Variants in OSBPL5 observed in about 807,000 individuals in gnomAD.
OSBPL5 encodes the protein oxysterol binding protein like 5.
In OSBPL5, 71 loss-of-function variants were observed where a neutral mutation model predicts 111.2. That is an observed-to-expected ratio of 0.64 (90% CI 0.53 to 0.78). OSBPL5 has a LOEUF of 0.78. OSBPL5 is among the 30% of genes least tolerant of loss of function. The pLI is 0.00. For synonymous variants in OSBPL5, 549 were observed against 513.9 expected, an observed-to-expected ratio of 1.07 and a Z score of -0.93; for missense variants, 1,210 against 1,189.3, an observed-to-expected ratio of 1.02 and a Z score of -0.26.
rs141588475 is a variant in OSBPL5 at position 3,150,621 on chromosome 11, C to T, written c.-22+14595G>A. Among the ~76,000 whole-genome samples, 135 of 152,324 alleles carry T rather than the reference C, an allele frequency of 8.9e-4. No individual in the cohort carries two copies. In the East Asian group the frequency reaches 0.022, roughly 24 times the overall value. Reference sequence around the variant, plus strand: ...GTGTCGTGAGAGCTCACTGGAGAAACATGCCTCTGGGGGGAGCAGAACTCT... The same window carrying T: ...GTGTCGTGAGAGCTCACTGGAGAAATATGCCTCTGGGGGGAGCAGAACTCT... On this transcript the variant is annotated intron_variant, in intron 1 of 21. Coordinates refer to ENST00000263650, the MANE Select transcript of OSBPL5 (RefSeq NM_020896.4).
chr11:3,150,447 C>T (rs572051392), intron 1 of OSBPL5, among the ~76,000 whole-genome samples: 6 of 152,176 alleles, frequency 3.9e-5, no homozygotes, highest in African/African-American at 1.4e-4. Context: ...GGGAGGAGCC[C>T]AGCAGCCCCT....
chr11:3,094,388 G>A lies in OSBPL5; in HGVS notation c.1622-54C>T. 2.0e-6 allele frequency: 3 copies of A among 1,473,550 alleles called. No individual in the cohort carries two copies. The Admixed American group carries it at 5.2e-5, about 25-fold the overall frequency. The allele number at this position is 1,473,550 out of a possible 1,614,324, so 91.3% of individuals were successfully genotyped here. A position where few individuals can be genotyped will look rare whatever the true frequency, so the allele number is the denominator to read the frequency against. ...GCGGCCCCAGCCCTGCTGAGCCCCAGGCCCTGCTGAGTACCGACCCAGCAG... is the reference window on the plus strand; with the variant it reads ...GCGGCCCCAGCCCTGCTGAGCCCCAAGCCCTGCTGAGTACCGACCCAGCAG... On this transcript the variant is annotated intron_variant, in intron 14 of 21. Coordinates refer to ENST00000263650, the MANE Select transcript of OSBPL5 (RefSeq NM_020896.4).
At chr11:3,153,562 C>T (rs1056270927) in intron 1 of OSBPL5, among the ~76,000 whole-genome samples, 4 of 152,292 alleles carry the variant, frequency 2.6e-5, no homozygotes, top group Admixed American at 6.5e-5. Flanking sequence ...CCAGCACCGT[C>T]GCTAGGGCTG....
chr11:3,147,181 T>C (rs1306976300), intron 1 of OSBPL5, among the ~76,000 whole-genome samples: 1 of 152,194 alleles, frequency 6.6e-6, no homozygotes, highest in Non-Finnish European at 1.5e-5. Flanking sequence ...GCCTGAGTGC[T>C]GGACTTGGGA....
chr11:3,122,416 G>A lies in OSBPL5; in HGVS notation c.232C>T (p.Leu78=), dbSNP rs2134459657. Residue 78 remains leucine, a synonymous_variant, in exon 4 of 22, where the codon CTG becomes TTG. Coordinates refer to ENST00000263650, the MANE Select transcript of OSBPL5 (RefSeq NM_020896.4). The part of the protein sequence containing the change: ...ATKVPPAEYR[L]CNGSDKECVS... ...CATTCCTTGTCTGACCCGTTGCACA[G>A]CCTGTACTCTGCCTGAAAGAGAGAG... 1.2e-6 allele frequency: 2 copies of A among 1,613,808 alleles called. No homozygotes were observed. Among genetic ancestry groups the A allele is most frequent in the East Asian group, 2.2e-5 (1 of 44,870 alleles).
rs941100910 is a variant in OSBPL5, at chr11:3,141,093, C to T, written c.-21-11924G>A. ...GAGGCCCCCAAAACAGGAATAAAAACCACCTAACAACAGAAACAACGTCAA... is the reference window on the plus strand; with the variant it reads ...GAGGCCCCCAAAACAGGAATAAAAATCACCTAACAACAGAAACAACGTCAA... On this transcript the variant is annotated intron_variant, in intron 1 of 21. Transcript: ENST00000263650. The surrounding 1 kb of genome is among the most constrained non-coding windows in gnomAD (Gnocchi z 6.5). 7.0e-6 allele frequency among the ~76,000 whole-genome samples: 1 copy of T among 142,716 alleles called. No homozygotes were observed. Among genetic ancestry groups the T allele is most frequent in the African/African-American group, 2.8e-5 (1 of 36,088 alleles). The allele number at this position is 142,716 out of a possible 152,430, so 93.6% of individuals were successfully genotyped here.
intron 1 of OSBPL5, among the ~76,000 whole-genome samples, chr11:3,137,037 C>G (rs1845967476): frequency 6.6e-6 from 1 of 152,188 alleles, no homozygotes; most frequent in Non-Finnish European, 1.5e-5. Flanking sequence ...CAAGGAAGGA[C>G]AGCAGCCATC....
chr11:3,129,108 C>A lies in OSBPL5; in HGVS notation c.41G>T (p.Cys14Phe). ...EAFLRRRFSL[C>F]PPSSTPQKVD... ...TTTCTGAGGGGTGGAGGAAGGTGGA[C>A]ACAGGGAGAAGCGGCGCCGGAGGAA... Residue 14 changes from cysteine (C) to phenylalanine (F), a missense_variant, in exon 2 of 22, where the codon TGT (cysteine) becomes TTT (phenylalanine). By Grantham distance (205) the Cys-to-Phe change is radical (BLOSUM62 -2). Transcript: ENST00000263650. 1 of 1,531,896 alleles carries A rather than the reference C, an allele frequency of 6.5e-7. No homozygotes were observed. Among genetic ancestry groups the A allele is most frequent in the Non-Finnish European group, 8.8e-7 (1 of 1,140,092 alleles). The allele number at this position is 1,531,896 out of a possible 1,614,324, so 94.9% of individuals were successfully genotyped here.
At position 3,146,317 on chromosome 11, in the gene OSBPL5, G is replaced by C. The variant is rs550511048; in HGVS notation, c.-21-17148C>G. ...CCCAGGGCGTGTGGGACTCTTTGAG[G>C]AGACAGAGCTCACTCCGGGGGAGGT... On this transcript the variant is annotated intron_variant, in intron 1 of 21. Transcript: ENST00000263650. The surrounding 1 kb of genome is among the most constrained non-coding windows in gnomAD (Gnocchi z 7.8). 1.3e-5 allele frequency: 2 copies of C among 152,404 alleles called. No individual in the cohort carries two copies. Among genetic ancestry groups the C allele is most frequent in the East Asian group, 3.9e-4 (2 of 5,180 alleles). 9.4% of individuals were successfully genotyped at this position (152,404 alleles called of 1,614,324 possible). A position where few individuals can be genotyped will look rare whatever the true frequency, so the allele number is the denominator to read the frequency against.
chr11:3,131,587 C>CCACT (rs1257623005), intron 1 of OSBPL5, among the ~76,000 whole-genome samples: 2,928 of 109,600 alleles, frequency 0.027, 149 homozygotes, highest in African/African-American at 0.11. Flanking sequence ...ATCCATCCAC[C>CCACT]CATTCATCCA....
chr11:3,112,473 CTTTTCTTT>C (rs1858033794), intron 7 of OSBPL5, among the ~76,000 whole-genome samples: 5 of 48,626 alleles, frequency 1.0e-4, no homozygotes, highest in Admixed American at 2.6e-4. Context: ...TTTGTGTTTT[CTTTTCTTT>C]TTTTTTTTTT....
rs1291024129 is a variant in OSBPL5, at chr11:3,162,282, G to A, written c.-22+2934C>T. 2.0e-5 allele frequency among the ~76,000 whole-genome samples: 3 copies of A among 152,118 alleles called. No homozygotes were observed. The highest frequency in any genetic ancestry group is 4.4e-5 in the Non-Finnish European group (3 of 68,014). ...CCCTGGAGGGAGTAGCCGGATGTGAGGTGGGCTGGGAGGCCGAGCAAAGCA... is the reference window on the plus strand; with the variant it reads ...CCCTGGAGGGAGTAGCCGGATGTGAAGTGGGCTGGGAGGCCGAGCAAAGCA... On this transcript the variant is annotated intron_variant, in intron 1 of 21. Coordinates refer to ENST00000263650, the MANE Select transcript of OSBPL5 (RefSeq NM_020896.4). The surrounding 1 kb of genome is among the most constrained non-coding windows in gnomAD (Gnocchi z 8.1).
Position 3,105,719 on chromosome 11 carries a change from T to C in OSBPL5, c.1060-1342A>G, listed in dbSNP as rs2134420604. ...TCCCTGCCCCACCTCTGTGAAGCCT[T>C]ATCTGTGCTCGGCCTCTGAAGGTTG... On this transcript the variant is annotated intron_variant, in intron 9 of 21. Coordinates refer to ENST00000263650, the MANE Select transcript of OSBPL5 (RefSeq NM_020896.4). This position sits in a 1 kb window ranked among gnomAD's most constrained non-coding sequence, Gnocchi z 5.2. 6.6e-6 allele frequency among the ~76,000 whole-genome samples: 1 copy of C among 152,238 alleles called. No homozygotes were observed. Among genetic ancestry groups the C allele is most frequent in the African/African-American group, 2.4e-5 (1 of 41,550 alleles).
In OSBPL5 at chr11:3,105,833, A is replaced by C. The variant is rs1488991105; in HGVS notation, c.1059+1430T>G. The stretch of plus-strand genomic sequence containing the variant: ...CAGCAGCCCGCTCTGCCTGGCTCAC[A>C]GCAGCGTCGCTCATCACCATCTGGC... On this transcript the variant is annotated intron_variant, in intron 9 of 21. Transcript: ENST00000263650. The surrounding 1 kb of genome is among the most constrained non-coding windows in gnomAD (Gnocchi z 5.2). 6.6e-6 allele frequency among the ~76,000 whole-genome samples: 1 copy of C among 152,054 alleles called. No homozygotes were observed. The highest frequency in any genetic ancestry group is 1.5e-5 in the Non-Finnish European group (1 of 67,966).
chr11:3,090,485 C>T lies in OSBPL5; in HGVS notation c.2398+73G>A, dbSNP rs1857018081. ...ATCTGGGCAGGTGCTTCTCTGGCCTCCCCTCCAGCCAGGTCAGCATCTGAG... is the reference window on the plus strand; with the variant it reads ...ATCTGGGCAGGTGCTTCTCTGGCCTTCCCTCCAGCCAGGTCAGCATCTGAG... On this transcript the variant is annotated intron_variant, in intron 20 of 21. Coordinates refer to ENST00000263650, the MANE Select transcript of OSBPL5 (RefSeq NM_020896.4). The T allele has an allele frequency of 1.9e-6, 3 of 1,556,092 alleles. No homozygotes were observed. In the Admixed American group the frequency reaches 5.5e-5, roughly 28 times the overall value.
chr11:3,141,433 G>A lies in OSBPL5; in HGVS notation c.-21-12264C>T, dbSNP rs1472972001. ...GGCCTCCTTGGTTCCCCTCAGAACA[G>A]AGCTTCCAGAAGGGCCCCCAATCTG... On this transcript the variant is annotated intron_variant, in intron 1 of 21. Transcript: ENST00000263650. The surrounding 1 kb of genome is among the most constrained non-coding windows in gnomAD (Gnocchi z 6.5). 6.6e-6 allele frequency among the ~76,000 whole-genome samples: 1 copy of A among 152,138 alleles called. No individual in the cohort carries two copies. Among genetic ancestry groups the A allele is most frequent in the East Asian group, 1.9e-4 (1 of 5,178 alleles).
intron 1 of OSBPL5, among the ~76,000 whole-genome samples, chr11:3,129,864 G>A (rs1313397778): frequency 1.3e-5 from 2 of 152,194 alleles, no homozygotes; most frequent in Non-Finnish European, 2.9e-5. Context: ...CTTCCTTGCT[G>A]CTTCACAAAA....
At position 3,157,412 on chromosome 11, in the gene OSBPL5, G is replaced by A. The variant is rs568701095; in HGVS notation, c.-22+7804C>T. On this transcript the variant is annotated intron_variant, in intron 1 of 21. Transcript: ENST00000263650. ...CCAGGAGACCCGGGGAGGCCAAGAGGGGGCCTGGGCACCAAGCTAGCTAGC... is the reference window on the plus strand; with the variant it reads ...CCAGGAGACCCGGGGAGGCCAAGAGAGGGCCTGGGCACCAAGCTAGCTAGC... Among the ~76,000 whole-genome samples, 5 of 152,310 alleles carry A rather than the reference G, an allele frequency of 3.3e-5. No homozygotes were observed. The South Asian group carries it at 1.0e-3, about 32-fold the overall frequency.
intron 21 of OSBPL5, among the ~76,000 whole-genome samples, chr11:3,088,716 C>T (rs1260333729): frequency 6.6e-6 from 1 of 152,140 alleles, no homozygotes; most frequent in East Asian, 1.9e-4. Flanking sequence ...GAGATGGGGT[C>T]CTTAAAGAGG....
Sources: allele counts gnomAD v4.1 joint callset (sites outside exome capture counted in the v4.1 genomes callset), GRCh38; gene constraint gnomAD v4.1.1; non-coding constraint Gnocchi (gnomAD v3.1); transcripts MANE v1.5; gene names NCBI Gene and HGNC (gene_info 2026-07-23, HGNC 2026-07-21).